ARHGEF4: variants seen among roughly 807,000 people sequenced by gnomAD.
ARHGEF4 encodes the protein Rho guanine nucleotide exchange factor 4.
In ARHGEF4, 119 loss-of-function variants were observed where a neutral mutation model predicts 162.0. The ratio of observed to expected loss-of-function variants is 0.73; its 90% CI spans 0.63 to 0.86. The LOEUF (loss-of-function observed/expected upper bound fraction) is 0.86, where lower values mean the gene tolerates loss of function less well. Among genes scored for constraint, ARHGEF4 ranks in the 40% least tolerant of loss-of-function variants. ARHGEF4 has a pLI of 0.00. For synonymous variants in ARHGEF4, 1,014 were observed against 979.9 expected, an observed-to-expected ratio of 1.03 and a Z score of -0.65; for missense variants, 2,488 against 2,456.0, an observed-to-expected ratio of 1.01 and a Z score of -0.28.
Position 130,916,313 on chromosome 2 carries a change from G to T in ARHGEF4, c.2367G>T (p.Gly789=). The change falls in exon 2 of 14, where the codon GGG becomes GGT. Residue 789 remains glycine, a synonymous_variant. Transcript: ENST00000409359. ...TCCGCAAGGGCGCGCAGGAGCCTGG[G>T]AAGCGCCCGACGTTTTCCAAGGTGA... ...RGLRKGAQEP[G]KRPTFSKVTS... is the part of the protein sequence containing the mutation. 6.5e-7 allele frequency: 1 copy of T among 1,542,580 alleles called. No homozygotes were observed.
chr2:131,043,978 T>C (rs1691028986), intron 11 of ARHGEF4, among the ~76,000 whole-genome samples: 1 of 152,194 alleles, frequency 6.6e-6, no homozygotes, highest in African/African-American at 2.4e-5. Context: ...AGTGGCCTCA[T>C]GTCCATGAAG....
At chr2:130,887,534 A>G (rs750365586) in intron 1 of ARHGEF4, among the ~76,000 whole-genome samples, 26 of 152,068 alleles carry the variant, frequency 1.7e-4, no homozygotes, top group Admixed American at 2.0e-4. Flanking sequence ...AATGTCTGCA[A>G]CATTCATCAT....
chr2:130,917,300 T>C lies in ARHGEF4; in HGVS notation c.3354T>C (p.Val1118=). The change falls in exon 2 of 14, where the codon GTT becomes GTC. Residue 1118 remains valine, a synonymous_variant. Coordinates refer to ENST00000409359, the MANE Select transcript of ARHGEF4 (RefSeq NM_001367493.1). ...YPGRGSAISM[V]SLGSYSYVDS... is the part of the protein sequence containing the mutation. ...GGAGGGGTAGCGCCATCTCCATGGT[T>C]TCTCTTGGAAGCTACAGCTACGTGG... 6.4e-7 allele frequency: 1 copy of C among 1,550,532 alleles called. No homozygotes were observed. Among genetic ancestry groups the C allele is most frequent in the Non-Finnish European group, 8.7e-7 (1 of 1,146,956 alleles).
chr2:131,003,350 C>T (rs1687904736), intron 4 of ARHGEF4, among the ~76,000 whole-genome samples: 1 of 152,238 alleles, frequency 6.6e-6, no homozygotes, highest in African/African-American at 2.4e-5. Flanking sequence ...ATGAATGCTC[C>T]TGGCACATGA....
At chr2:130,921,837 G>T (rs1031591819) in intron 2 of ARHGEF4, among the ~76,000 whole-genome samples, 1 of 151,776 alleles carries the variant, frequency 6.6e-6, no homozygotes, top group African/African-American at 2.4e-5. Context: ...GACTATAGGC[G>T]CCTGCCACCA....
intron 10 of ARHGEF4, among the ~76,000 whole-genome samples, chr2:131,042,970 G>C (rs565312451): frequency 6.6e-6 from 1 of 152,320 alleles, no homozygotes; most frequent in South Asian, 2.1e-4. Context: ...CTCTAGGGCA[G>C]CACTGTCCAA....
Position 130,916,195 on chromosome 2 carries a change from G to A in ARHGEF4, c.2249G>A (p.Gly750Asp). The change falls in exon 2 of 14, where the codon GGC becomes GAC. Residue 750 changes from glycine to aspartate, a missense_variant. By Grantham distance (94) the Gly-to-Asp change is moderately conservative. Transcript: ENST00000409359. Reference sequence around the variant, plus strand: ...CGGAGCTCCGGGTCAGGGGAGCGTGGCCCGGAGGAGGCCCCCGAAGGCGGT... The same window carrying A: ...CGGAGCTCCGGGTCAGGGGAGCGTGACCCGGAGGAGGCCCCCGAAGGCGGT... ...ESRSSGSGER[G>D]PEEAPEGGAA... The A allele has an allele frequency of 6.5e-7, 1 of 1,547,534 alleles. No individual in the cohort carries two copies. Among genetic ancestry groups the A allele is most frequent in the Non-Finnish European group, 8.7e-7 (1 of 1,146,492 alleles).
intron 4 of ARHGEF4, among the ~76,000 whole-genome samples, chr2:131,006,465 A>T (rs1251030355): frequency 1.3e-5 from 2 of 152,242 alleles, no homozygotes; most frequent in Non-Finnish European, 2.9e-5. Context: ...GCAGCGGCCC[A>T]GGAGCTGGCT....
chr2:130,987,967 T>C (rs1158257232), intron 4 of ARHGEF4, among the ~76,000 whole-genome samples: 1 of 152,154 alleles, frequency 6.6e-6, no homozygotes, highest in African/African-American at 2.4e-5. Context: ...TGTGACAGAC[T>C]GACAGGTGAC....
chr2:130,997,635 C>A lies in ARHGEF4; in HGVS notation c.3986-30310C>A, dbSNP rs141474161. On this transcript the variant is annotated intron_variant, in intron 4 of 13. Transcript: ENST00000409359. ...AAGTTAAGATAGTTTCTATGTTGAGCAGTTCTAATCCTAATTCTGCAAGGT... is the reference window on the plus strand; with the variant it reads ...AAGTTAAGATAGTTTCTATGTTGAGAAGTTCTAATCCTAATTCTGCAAGGT... Among the ~76,000 whole-genome samples, 6 of 152,326 alleles carry A rather than the reference C, an allele frequency of 3.9e-5. 1 individual carries two copies. In the East Asian group the frequency reaches 1.2e-3, roughly 29 times the overall value.
intron 1 of ARHGEF4, among the ~76,000 whole-genome samples, chr2:130,884,200 G>A (rs760406596): frequency 5.3e-5 from 8 of 151,772 alleles, no homozygotes; most frequent in Non-Finnish European, 1.0e-4. Flanking sequence ...TATCTGAATA[G>A]GCAGGAGAGC....
chr2:131,039,936 G>T lies in ARHGEF4; in HGVS notation c.4306-80G>T, dbSNP rs528845324. The T allele has an allele frequency of 7.3e-6, 11 of 1,503,842 alleles. No individual in the cohort carries two copies. The African/African-American group carries it at 1.3e-4, about 17-fold the overall frequency. The allele number at this position is 1,503,842 out of a possible 1,614,324, so 93.2% of individuals were successfully genotyped here. ...ACACCCTGCGGGGCCTCCGAGGCCCGGTTCCCGCCGCTGCGGCGCAGGGCG... is the reference window on the plus strand; with the variant it reads ...ACACCCTGCGGGGCCTCCGAGGCCCTGTTCCCGCCGCTGCGGCGCAGGGCG... On this transcript the variant is annotated intron_variant, in intron 6 of 13. Coordinates refer to ENST00000409359, the MANE Select transcript of ARHGEF4 (RefSeq NM_001367493.1).
intron 5 of ARHGEF4, among the ~76,000 whole-genome samples, chr2:131,036,816 G>C (rs1185066927): frequency 6.6e-6 from 1 of 152,184 alleles, no homozygotes; most frequent in Non-Finnish European, 1.5e-5. Context: ...CCAGGTCAGG[G>C]CCATGTCACC....
intron 1 of ARHGEF4, among the ~76,000 whole-genome samples, chr2:130,866,957 A>G (rs1017408840): frequency 1.3e-5 from 2 of 152,100 alleles, no homozygotes; most frequent in Non-Finnish European, 2.9e-5. Context: ...TTGTTCCTTC[A>G]ATGTTTGGTA....
chr2:130,876,919 G>A (rs1044217850), intron 1 of ARHGEF4, among the ~76,000 whole-genome samples: 8 of 152,190 alleles, frequency 5.3e-5, no homozygotes, highest in Non-Finnish European at 8.8e-5. Flanking sequence ...GTCGTTTTTA[G>A]ATATGTGTGA....
At chr2:131,014,276 T>C (rs6748016) in intron 4 of ARHGEF4, among the ~76,000 whole-genome samples, 2,460 of 152,328 alleles carry the variant, frequency 0.016, 73 homozygotes, top group African/African-American at 0.055. Flanking sequence ...TTCACATCCC[T>C]GGCATTTCAC....
chr2:130,989,678 T>C (rs1425707480), intron 4 of ARHGEF4, among the ~76,000 whole-genome samples: 1 of 152,256 alleles, frequency 6.6e-6, no homozygotes, highest in Non-Finnish European at 1.5e-5. Flanking sequence ...TAGTCATAGC[T>C]GGGATCACCC....
chr2:130,948,838 C>T (rs533288067), intron 4 of ARHGEF4, among the ~76,000 whole-genome samples: 45 of 152,306 alleles, frequency 3.0e-4, no homozygotes, highest in African/African-American at 1.1e-3. Flanking sequence ...GGAGTGAAAG[C>T]TCCTGTTTTC....
chr2:130,958,571 G>A (rs1021284211), intron 4 of ARHGEF4, among the ~76,000 whole-genome samples: 2 of 151,882 alleles, frequency 1.3e-5, no homozygotes, highest in Non-Finnish European at 2.9e-5. Flanking sequence ...CACCATGCCT[G>A]GCTAATTTTT....
Sources: allele counts gnomAD v4.1 joint callset (sites outside exome capture counted in the v4.1 genomes callset), GRCh38; gene constraint gnomAD v4.1.1; transcripts MANE v1.5; gene names NCBI Gene and HGNC (gene_info 2026-07-23, HGNC 2026-07-21).